The following UCHL3 variants were observed in gnomAD, a reference collection of about 807,000 sequenced individuals.
UCHL3 encodes ubiquitin carboxyl-terminal hydrolase isozyme L3.
In UCHL3, 22 loss-of-function variants were observed where a neutral mutation model predicts 35.8. The observed-to-expected ratio is 0.61, with a 90% CI of 0.44 to 0.88. UCHL3 has a LOEUF of 0.88. Ranked by LOEUF, UCHL3 falls within the 40% of genes least tolerant of loss-of-function variation. The pLI is 0.00. For missense variants in UCHL3, 229 were observed against 276.9 expected, an observed-to-expected ratio of 0.83 and a Z score of 1.23; for synonymous variants, 90 against 92.8, an observed-to-expected ratio of 0.97 and a Z score of 0.17.
intron 6 of UCHL3, 83 bp from the exon 7 acceptor site, chr13:75,594,832 G>A (rs886175601): frequency 2.1e-6 from 2 of 960,416 alleles, no homozygotes; most frequent in Admixed American, 2.5e-5. Context: ...ATAATTTGAT[G>A]TTATTTGTAT....
At chr13:75,554,013 A>G (rs1209518765) in intron 2 of UCHL3, among the ~76,000 whole-genome samples, 2 of 152,186 alleles carry the variant, frequency 1.3e-5, no homozygotes, top group African/African-American at 4.8e-5. Context: ...GAGACCATGG[A>G]CAGTTATCTA....
intron 6 of UCHL3, among the ~76,000 whole-genome samples, chr13:75,572,516 C>G (rs2031893136): frequency 6.6e-6 from 1 of 152,150 alleles, no homozygotes; most frequent in Non-Finnish European, 1.5e-5. Flanking sequence ...TCTTATCTCC[C>G]TTTCTGTGGC....
intron 6 of UCHL3, among the ~76,000 whole-genome samples, chr13:75,583,080 G>A (rs2032230007): frequency 6.6e-6 from 1 of 152,118 alleles, no homozygotes; most frequent in Non-Finnish European, 1.5e-5. Flanking sequence ...TCTGACTAGA[G>A]TAAAAATTTA....
upstream of UCHL3, chr13:75,549,611 C>A: frequency 4.2e-6 from 2 of 476,074 alleles, no homozygotes; most frequent in Non-Finnish European, 7.2e-6. Context: ...TTCTCCTCGG[C>A]AGCATCTTAA....
At chr13:75,558,068 G>C (rs1423920454) in intron 2 of UCHL3, among the ~76,000 whole-genome samples, 1 of 151,744 alleles carries the variant, frequency 6.6e-6, no homozygotes, top group Non-Finnish European at 1.5e-5. Flanking sequence ...TTTGTATTCA[G>C]ATAGCTTCTG....
intron 7 of UCHL3, among the ~76,000 whole-genome samples, chr13:75,596,718 T>C (rs559937796): frequency 5.9e-5 from 9 of 152,154 alleles, no homozygotes; most frequent in African/African-American, 1.9e-4. Context: ...GAAAGAGTTA[T>C]CTTAAAAAAA....
At chr13:75,558,639 A>G (rs940523694) in intron 2 of UCHL3, among the ~76,000 whole-genome samples, 1 of 152,210 alleles carries the variant, frequency 6.6e-6, no homozygotes, top group Non-Finnish European at 1.5e-5. Context: ...AGCCAAAGGT[A>G]TCTTTTCTAC....
Position 75,605,841 on chromosome 13 carries a change from G to T in UCHL3, c.*29G>T. 6.2e-7 allele frequency: 1 copy of T among 1,604,638 alleles called. No individual in the cohort carries two copies. The highest frequency in any genetic ancestry group is 8.5e-7 in the Non-Finnish European group (1 of 1,175,248). On this transcript the variant is annotated 3_prime_UTR_variant, in exon 9 of 9. Coordinates refer to ENST00000377595, the MANE Select transcript of UCHL3 (RefSeq NM_006002.5). ...GTCAATAATGGAAACACCAAAAACT[G>T]TATTATTTGCAACTAAATTTTCTCT...
At chr13:75,590,193 TCTTAA>T (rs1210978528) in intron 6 of UCHL3, 1 of 1,220,666 alleles carries the variant, frequency 8.2e-7, no homozygotes, top group Non-Finnish European at 1.0e-6. Context: ...TTTTTTTTTT[TCTTAA>T]CTTCGGTCTT....
At chr13:75,571,281 G>A (rs74094447) in intron 6 of UCHL3, among the ~76,000 whole-genome samples, 10,643 of 152,012 alleles carry the variant, frequency 0.07, 1,238 homozygotes, top group African/African-American at 0.24. Flanking sequence ...CCCATTTTTG[G>A]AGTTTCATCC....
Position 75,575,526 on chromosome 13 carries a change from T to A in UCHL3, c.474+6019T>A, listed in dbSNP as rs17702733. ...TATTAGAGTTGCTACAGAAGTTTGA[T>A]ATGTGTCATTTAATTCCAGTACCAG... On this transcript the variant is annotated intron_variant, in intron 6 of 8. Transcript: ENST00000377595. Among the ~76,000 whole-genome samples the A allele has an allele frequency of 3.4e-3, 525 of 152,320 alleles. 7 individuals carry two copies. Among genetic ancestry groups the A allele is most frequent in the African/African-American group, 0.012 (497 of 41,558 alleles).
intron 8 of UCHL3, among the ~76,000 whole-genome samples, chr13:75,605,509 C>CA (rs780333734): frequency 2.5e-4 from 38 of 151,906 alleles, no homozygotes; most frequent in Non-Finnish European, 4.7e-4. Context: ...GACTCTGTCT[C>CA]AAAAAACAAA....
rs192651466 is a variant in UCHL3 at position 75,604,172 on chromosome 13, G to T, written c.551-597G>T. On this transcript the variant is annotated intron_variant, in intron 7 of 8. Transcript: ENST00000377595. ...GGATATATAATTGTCAGTTGACTTT[G>T]GGTTAGCATGAGTTTAAATAATTCT... is the stretch of plus-strand genomic sequence containing the variant. Among the ~76,000 whole-genome samples, 345 of 152,214 alleles carry T rather than the reference G, an allele frequency of 2.3e-3. 2 individuals carry two copies. Among genetic ancestry groups the T allele is most frequent in the African/African-American group, 7.9e-3 (330 of 41,542 alleles).
Position 75,552,823 on chromosome 13 carries a change from G to A in UCHL3, c.54+2836G>A, listed in dbSNP as rs150363011. Reference sequence around the variant, plus strand: ...TAGGCAATTATTATTATTTATGACCGTACTAAATCTTCATTGTGATTATTT... The same window carrying A: ...TAGGCAATTATTATTATTTATGACCATACTAAATCTTCATTGTGATTATTT... On this transcript the variant is annotated intron_variant, in intron 2 of 8. Coordinates refer to ENST00000377595, the MANE Select transcript of UCHL3 (RefSeq NM_006002.5). 3.9e-4 allele frequency among the ~76,000 whole-genome samples: 59 copies of A among 152,158 alleles called. No individual in the cohort carries two copies. The East Asian group carries it at 0.01, about 26-fold the overall frequency.
At chr13:75,569,767 G>C (rs529941252) in intron 6 of UCHL3, among the ~76,000 whole-genome samples, 1 of 152,350 alleles carries the variant, frequency 6.6e-6, no homozygotes, top group Admixed American at 6.5e-5. Flanking sequence ...ATTGTGTGCT[G>C]TTTGTGCGGC....
chr13:75,566,894 C>A, intron 4 of UCHL3, 43 bp downstream of exon 4: 1 of 1,555,660 alleles, frequency 6.4e-7, no homozygotes, highest in African/African-American at 1.4e-5. Context: ...CCTTAAGATA[C>A]AAGTTAATTG....
chr13:75,605,790 C>A lies in UCHL3; in HGVS notation c.671C>A (p.Ala224Glu). ...GACCCTGATGAACTAAGATTTAATG[C>A]GATTGCTCTTTCTGCAGCATAGCTT... ...ERDPDELRFN[A>E]IALSAA The change falls in exon 9 of 9, where the codon GCG becomes GAG. Residue 224 changes from alanine to glutamate, a missense_variant. Ala to Glu is a moderately radical substitution (Grantham distance 107). Transcript: ENST00000377595. 2 of 1,613,804 alleles carry A rather than the reference C, an allele frequency of 1.2e-6. No homozygotes were observed. Among genetic ancestry groups the A allele is most frequent in the Non-Finnish European group, 1.7e-6 (2 of 1,179,936 alleles).
At chr13:75,586,939 A>G (rs557940699) in intron 6 of UCHL3, among the ~76,000 whole-genome samples, 1 of 151,692 alleles carries the variant, frequency 6.6e-6, no homozygotes, top group South Asian at 2.1e-4. Flanking sequence ...GGTTAGAGGG[A>G]AACTATAGTA....
chr13:75,568,352 G>T (rs1196057952), intron 5 of UCHL3, among the ~76,000 whole-genome samples: 1 of 151,256 alleles, frequency 6.6e-6, no homozygotes, highest in African/African-American at 2.4e-5. Context: ...ATTTTAAATT[G>T]TTTTTTTCTT....
Sources: allele counts gnomAD v4.1 joint callset (sites outside exome capture counted in the v4.1 genomes callset), GRCh38; gene constraint gnomAD v4.1.1; transcripts MANE v1.5; gene names NCBI Gene and HGNC (gene_info 2026-07-23, HGNC 2026-07-21).